MED27: variants seen among roughly 807,000 people sequenced by gnomAD.
MED27 encodes mediator of RNA polymerase II transcription subunit 27.
MED27 carries 30 observed loss-of-function variants against 38.2 expected under a neutral mutation model. The observed-to-expected ratio is 0.79, with a 90% confidence interval of 0.59 to 1.07. The LOEUF (loss-of-function observed/expected upper bound fraction) is 1.07, where lower values mean the gene tolerates loss of function less well. Among genes scored for constraint, MED27 ranks in the 50% least tolerant of loss-of-function variants. The pLI, the probability that MED27 is intolerant of heterozygous loss-of-function variation, is 0.00. For synonymous variants in MED27, 122 were observed against 153.5 expected, an observed-to-expected ratio of 0.79 and a Z score of 1.52; for missense variants, 289 against 397.5, an observed-to-expected ratio of 0.73 and a Z score of 2.32.
intron 2 of MED27, among the ~76,000 whole-genome samples, chr9:132,071,117 C>T (rs1164486558): frequency 6.6e-6 from 1 of 152,160 alleles, no homozygotes; most frequent in Non-Finnish European, 1.5e-5. Flanking sequence ...CTTGTATCAC[C>T]TCATTTTGTC....
At chr9:131,879,060 G>C (rs1430215995) in intron 6 of MED27, among the ~76,000 whole-genome samples, 9 of 152,200 alleles carry the variant, frequency 5.9e-5, no homozygotes, top group Admixed American at 5.2e-4. Flanking sequence ...CTTGCTGATG[G>C]CATGAACATC....
intron 2 of MED27, among the ~76,000 whole-genome samples, chr9:132,042,466 G>A (rs534068083): frequency 2.8e-4 from 42 of 152,272 alleles, no homozygotes; most frequent in African/African-American, 1.0e-3. Context: ...AGACTTCAAC[G>A]TCTGCACTCA....
At chr9:132,066,512 T>C (rs1278342418) in intron 2 of MED27, among the ~76,000 whole-genome samples, 2 of 152,034 alleles carry the variant, frequency 1.3e-5, no homozygotes, top group Admixed American at 6.6e-5. Flanking sequence ...CCGTCCCCAG[T>C]GTGATGTGAG....
chr9:131,999,969 G>A lies in MED27; in HGVS notation c.479+14368C>T, dbSNP rs147583850. On this transcript the variant is annotated intron_variant, in intron 3 of 7. Coordinates refer to ENST00000292035, the MANE Select transcript of MED27 (RefSeq NM_004269.4). Reference sequence around the variant, plus strand: ...AGCAGACAGTGGGTGTCCAAAGGACGCTCACCAATCAATCAGTACAAAATC... The same window carrying A: ...AGCAGACAGTGGGTGTCCAAAGGACACTCACCAATCAATCAGTACAAAATC... 4.8e-3 allele frequency among the ~76,000 whole-genome samples: 724 copies of A among 152,140 alleles called. 5 individuals are homozygous for A. The highest frequency in any genetic ancestry group is 7.9e-3 in the Non-Finnish European group (540 of 68,012).
chr9:131,860,141 A>T lies in MED27; in HGVS notation c.*397T>A, dbSNP rs570392551. ...ATACAAAAGGTTTATTGCTTATAAA[A>T]ATAAGTTACCAAAACCCAAGCCCCA... On this transcript the variant is annotated 3_prime_UTR_variant, in exon 8 of 8. Coordinates refer to ENST00000292035, the MANE Select transcript of MED27 (RefSeq NM_004269.4). The surrounding 1 kb of genome is among the most constrained non-coding windows in gnomAD (Gnocchi z 5.8). 6.0e-6 allele frequency: 1 copy of T among 167,920 alleles called. No homozygotes were observed. Among genetic ancestry groups the T allele is most frequent in the Admixed American group, 6.3e-5 (1 of 15,958 alleles). The allele number at this position is 167,920 out of a possible 1,614,324, so 10.4% of individuals were successfully genotyped here.
rs149489250 is a variant in MED27, at chr9:132,055,883, C to A, written c.348+21559G>T. Among the ~76,000 whole-genome samples the A allele has an allele frequency of 4.2e-3, 641 of 152,290 alleles. 2 individuals carry two copies. Among genetic ancestry groups the A allele is most frequent in the African/African-American group, 0.015 (605 of 41,560 alleles). Reference sequence around the variant, plus strand: ...GTGCCAGATGCCACTTTAAGTACTTCAGGGGATTTAATTCATTGAAGCCTT... The same window carrying A: ...GTGCCAGATGCCACTTTAAGTACTTAAGGGGATTTAATTCATTGAAGCCTT... On this transcript the variant is annotated intron_variant, in intron 2 of 7. Coordinates refer to ENST00000292035, the MANE Select transcript of MED27 (RefSeq NM_004269.4).
At chr9:131,990,451 C>CA (rs1831946848) in intron 3 of MED27, among the ~76,000 whole-genome samples, 1 of 152,224 alleles carries the variant, frequency 6.6e-6, no homozygotes, top group Admixed American at 6.5e-5. Flanking sequence ...CTATCACTGC[C>CA]ATGAGGGCAG....
chr9:132,065,427 T>C (rs1833788581), intron 2 of MED27, among the ~76,000 whole-genome samples: 1 of 152,154 alleles, frequency 6.6e-6, no homozygotes, highest in African/African-American at 2.4e-5. Context: ...CCAAGTACGA[T>C]TCCTGTTTAA....
At chr9:131,881,661 C>T (rs190219624) in intron 6 of MED27, among the ~76,000 whole-genome samples, 27 of 152,248 alleles carry the variant, frequency 1.8e-4, no homozygotes, top group Non-Finnish European at 3.1e-4. Context: ...TCCATTACTA[C>T]GGTACATTTG....
At chr9:131,879,084 A>C (rs1437246383) in intron 6 of MED27, among the ~76,000 whole-genome samples, 2 of 152,252 alleles carry the variant, frequency 1.3e-5, no homozygotes, top group African/African-American at 2.4e-5. Flanking sequence ...AGACAAAAGG[A>C]AGGCAGAATT....
chr9:131,889,502 C>A lies in MED27; in HGVS notation c.681+4383G>T, dbSNP rs1413386233. On this transcript the variant is annotated intron_variant, in intron 5 of 7. Transcript: ENST00000292035. This position sits in a 1 kb window ranked among gnomAD's most constrained non-coding sequence, Gnocchi z 4.2. ...CGTGGCTCTTGCTACTCCCTGAGTA[C>A]AATGAATAAGTGGTTGGTAAGTCTG... 6.6e-6 allele frequency among the ~76,000 whole-genome samples: 1 copy of A among 152,054 alleles called. No individual in the cohort carries two copies. Among genetic ancestry groups the A allele is most frequent in the Non-Finnish European group, 1.5e-5 (1 of 68,010 alleles).
At chr9:131,960,067 CT>C (rs935424379) in intron 3 of MED27, among the ~76,000 whole-genome samples, 16 of 152,132 alleles carry the variant, frequency 1.1e-4, no homozygotes, top group African/African-American at 3.9e-4. Context: ...CCTAATGTGG[CT>C]GTGTAGGATG....
chr9:132,041,195 T>C (rs759256031), intron 2 of MED27, among the ~76,000 whole-genome samples: 2 of 152,216 alleles, frequency 1.3e-5, no homozygotes, highest in Non-Finnish European at 2.9e-5. Context: ...TAATGTGGGC[T>C]GTGAGGGAGA....
chr9:131,913,366 C>T lies in MED27; in HGVS notation c.574-19374G>A, dbSNP rs76899795. 7.0e-4 allele frequency among the ~76,000 whole-genome samples: 107 copies of T among 152,320 alleles called. No individual in the cohort carries two copies. In the East Asian group the frequency reaches 0.014, roughly 20 times the overall value. On this transcript the variant is annotated intron_variant, in intron 4 of 7. Transcript: ENST00000292035. The surrounding 1 kb of genome is among the most constrained non-coding windows in gnomAD (Gnocchi z 4.5). ...GACCTTGAACAAGTTATTGAACCTTCTGAGTCTCAGTGTTCTCATCTATAA... is the reference window on the plus strand; with the variant it reads ...GACCTTGAACAAGTTATTGAACCTTTTGAGTCTCAGTGTTCTCATCTATAA...
At chr9:131,983,816 A>G (rs988174578) in intron 3 of MED27, among the ~76,000 whole-genome samples, 1 of 152,228 alleles carries the variant, frequency 6.6e-6, no homozygotes, top group Admixed American at 6.5e-5. Flanking sequence ...AAATTAGCAC[A>G]TACTATACCC....
intron 3 of MED27, among the ~76,000 whole-genome samples, chr9:131,977,451 G>C (rs531916869): frequency 6.6e-6 from 1 of 152,212 alleles, no homozygotes; most frequent in Admixed American, 6.5e-5. Flanking sequence ...AGGAGTGTCC[G>C]ACTCCTTGAA....
At chr9:132,078,246 A>G (rs1834098601) in intron 1 of MED27, among the ~76,000 whole-genome samples, 1 of 152,148 alleles carries the variant, frequency 6.6e-6, no homozygotes, top group Non-Finnish European at 1.5e-5. Flanking sequence ...TGCCAACAAA[A>G]GACTCTCTAG....
At chr9:131,942,118 C>G (rs1397185740) in intron 3 of MED27, among the ~76,000 whole-genome samples, 1 of 152,098 alleles carries the variant, frequency 6.6e-6, no homozygotes, top group African/African-American at 2.4e-5. Context: ...AACCACCGTG[C>G]CCAGCCTCTG....
At chr9:131,902,332 G>C (rs941575425) in intron 4 of MED27, among the ~76,000 whole-genome samples, 1 of 152,110 alleles carries the variant, frequency 6.6e-6, no homozygotes, top group African/African-American at 2.4e-5. Flanking sequence ...GCGGCAGCAA[G>C]GGGGATGAGG....
Sources: allele counts gnomAD v4.1 joint callset (sites outside exome capture counted in the v4.1 genomes callset), GRCh38; gene constraint gnomAD v4.1.1; non-coding constraint Gnocchi (gnomAD v3.1); transcripts MANE v1.5; gene names NCBI Gene and HGNC (gene_info 2026-07-23, HGNC 2026-07-21).